Variants in HOXD3 observed in about 807,000 individuals in gnomAD.
HOXD3 encodes the protein homeobox D3, also known as homeobox protein Hox-D3.
A neutral mutation model predicts 32.8 loss-of-function variants in HOXD3; 13 were observed. That is an observed-to-expected ratio of 0.40 (90% CI 0.26 to 0.63). The LOEUF (loss-of-function observed/expected upper bound fraction) is 0.63. Ranked by LOEUF, HOXD3 falls within the 20% of genes least tolerant of loss-of-function variation. The pLI, the probability that HOXD3 is intolerant of heterozygous loss-of-function variation, is 0.44. For missense variants in HOXD3, 504 were observed against 577.1 expected (o/e 0.87, Z 1.30); for synonymous variants, 241 against 246.8 (o/e 0.98, Z 0.22).
intron 2 of HOXD3, among the ~76,000 whole-genome samples, chr2:176,168,723 G>A (rs1691072379): frequency 6.6e-6 from 1 of 151,914 alleles, no homozygotes; most frequent in African/African-American, 2.4e-5. Context: ...TATTAATACT[G>A]CAGAATAGCT....
Position 176,169,266 on chromosome 2 carries a change from CA to C in HOXD3, c.153del (p.Pro53LeufsTer24), listed in dbSNP as rs1335399754. 6.2e-7 allele frequency: 1 copy of C among 1,613,652 alleles called. No individual in the cohort carries two copies. ...TACAGCACCCCCCACCAGCCCTACC[CA>C]CCCCCTGCTGCTGCCAGCTCCCTGG... ...YGYSTPHQPY[P>X]PPAAASSLDT... On this transcript the variant is annotated frameshift_variant, in exon 3 of 4. Transcript: ENST00000683222. LOFTEE classifies it high-confidence loss of function.
At chr2:176,168,032 GC>G (rs1338567826) in intron 2 of HOXD3, among the ~76,000 whole-genome samples, 1 of 152,150 alleles carries the variant, frequency 6.6e-6, no homozygotes, top group Non-Finnish European at 1.5e-5. Flanking sequence ...GTAGAGGGAA[GC>G]CCTTTCCCTC....
chr2:176,171,426 G>A (rs1691175945), intron 3 of HOXD3, 91 bp from the exon 4 acceptor site: 2 of 1,169,048 alleles, frequency 1.7e-6, no homozygotes, highest in Non-Finnish European at 2.4e-6. Flanking sequence ...GGGGAGGGAG[G>A]AGGAAAAGAG....
chr2:176,169,981 A>G (rs910079880), intron 3 of HOXD3, among the ~76,000 whole-genome samples: 1 of 152,156 alleles, frequency 6.6e-6, no homozygotes, highest in Non-Finnish European at 1.5e-5. Flanking sequence ...TCAAGATTTG[A>G]AGATAGGTAT....
At chr2:176,152,902 C>A (rs751299970), upstream of HOXD3, 2 of 1,614,186 alleles carry the variant, frequency 1.2e-6, no homozygotes, top group Non-Finnish European at 1.7e-6. This position sits in a 1 kb window ranked among gnomAD's most constrained non-coding sequence, Gnocchi z 5.2. Context: ...CATTTACAGC[C>A]GATGGCCAAA....
chr2:176,168,533 C>T (rs1691061704), intron 2 of HOXD3, among the ~76,000 whole-genome samples: 1 of 147,462 alleles, frequency 6.8e-6, no homozygotes, highest in Non-Finnish European at 1.5e-5. Flanking sequence ...TGACACTGCA[C>T]TCCAGCCTTG....
At position 176,171,927 on chromosome 2, in the gene HOXD3, C is replaced by A; in HGVS notation, c.952C>A (p.Pro318Thr). 2 of 1,610,210 alleles carry A rather than the reference C, an allele frequency of 1.2e-6. No individual in the cohort carries two copies. Among genetic ancestry groups the A allele is most frequent in the Non-Finnish European group, 1.7e-6 (2 of 1,179,006 alleles). The change falls in exon 4 of 4, where the codon CCA becomes ACA. Residue 318 changes from proline (P) to threonine (T), a missense_variant. Pro to Thr is a conservative substitution (Grantham distance 38, BLOSUM62 -1). Coordinates refer to ENST00000683222, the MANE Select transcript of HOXD3 (RefSeq NM_006898.5). ...NMYGLAAYTAPLSSCLPQQKR... is the reference protein window; with the variant it reads ...NMYGLAAYTATLSSCLPQQKR... ...GTACGGCCTGGCCGCCTACACGGCG[C>A]CACTCAGCAGCTGCCTGCCACAACA...
At chr2:176,155,325 T>C (rs905708098), upstream of HOXD3, among the ~76,000 whole-genome samples, 5 of 152,188 alleles carry the variant, frequency 3.3e-5, no homozygotes, top group Admixed American at 1.3e-4. Flanking sequence ...CCCAGTTTCA[T>C]ACCAAATGCC....
At chr2:176,152,992 G>A (rs1302755224), upstream of HOXD3, 1 of 1,577,520 alleles carries the variant, frequency 6.3e-7, no homozygotes, top group Non-Finnish European at 8.7e-7. The surrounding 1 kb of genome is among the most constrained non-coding windows in gnomAD (Gnocchi z 5.2). Flanking sequence ...CTGAGCCGAA[G>A]CTGCGGGGGC....
Position 176,171,637 on chromosome 2 carries a change from G to T in HOXD3, c.662G>T (p.Arg221Leu). 1 of 1,614,230 alleles carries T rather than the reference G, an allele frequency of 6.2e-7. No homozygotes were observed. The highest frequency in any genetic ancestry group is 8.5e-7 in the Non-Finnish European group (1 of 1,180,036). Reference protein sequence around the residue: ...KEFHFNRYLCRPRRVEMANLL... With the variant: ...KEFHFNRYLCLPRRVEMANLL... ...TTCCACTTCAACCGCTACTTGTGCC[G>T]GCCGCGCCGCGTGGAGATGGCCAAC... is the stretch of plus-strand genomic sequence containing the variant. The change falls in exon 4 of 4, where the codon CGG becomes CTG. Residue 221 changes from arginine to leucine, a missense_variant. Around this residue, in one of 3 missense-constraint regions of HOXD3, gnomAD observed 97 missense variants for 158.0 expected, o/e 0.61. Coordinates refer to ENST00000683222, the MANE Select transcript of HOXD3 (RefSeq NM_006898.5).
At chr2:176,156,045 A>G (rs1690638263), upstream of HOXD3, among the ~76,000 whole-genome samples, 1 of 152,240 alleles carries the variant, frequency 6.6e-6, no homozygotes. Flanking sequence ...TCATTGATCT[A>G]TATTTAAAAT....
upstream of HOXD3, among the ~76,000 whole-genome samples, chr2:176,155,302 C>G (rs2105426777): frequency 6.6e-6 from 1 of 152,268 alleles, no homozygotes; most frequent in South Asian, 2.1e-4. Context: ...CTCAGAAGTT[C>G]AGGTTACTCA....
At chr2:176,171,225 G>A (rs1312372673) in intron 3 of HOXD3, among the ~76,000 whole-genome samples, 1 of 152,186 alleles carries the variant, frequency 6.6e-6, no homozygotes, top group Non-Finnish European at 1.5e-5. Context: ...TGGCCTTTGG[G>A]TGGGTATGGG....
At chr2:176,152,927 C>T (rs367930048), upstream of HOXD3, 4 of 1,614,154 alleles carry the variant, frequency 2.5e-6, no homozygotes, top group Non-Finnish European at 3.4e-6. This position sits in a 1 kb window ranked among gnomAD's most constrained non-coding sequence, Gnocchi z 5.2. Context: ...ACCACACGGA[C>T]CTGACGACCT....
At chr2:176,160,974 G>C (rs1048334967) in intron 1 of HOXD3, 1 of 152,256 alleles carries the variant, frequency 6.6e-6, no homozygotes, top group African/African-American at 2.4e-5. Context: ...GCAAGACCAG[G>C]GTTGGGACAG....
rs983423831 is a variant in HOXD3 at position 176,171,888 on chromosome 2, T to C, written c.913T>C (p.Ser305Pro). ...GCCCTCGCCGCCTGCTTTCGCCAAA[T>C]CACAGCCCAATATGTACGGCCTGGC... The part of the protein sequence containing the change: ...DAPSPPAFAK[S>P]QPNMYGLAAY... Residue 305 changes from serine to proline, a missense_variant, in exon 4 of 4, where the codon TCA becomes CCA. This residue lies in a region of HOXD3 where 226 missense variants were observed against 246.9 expected (regional missense o/e 0.92). Coordinates refer to ENST00000683222, the MANE Select transcript of HOXD3 (RefSeq NM_006898.5). 6.2e-7 allele frequency: 1 copy of C among 1,605,686 alleles called. No homozygotes were observed. The highest frequency in any genetic ancestry group is 8.5e-7 in the Non-Finnish European group (1 of 1,176,672).
chr2:176,167,742 T>C (rs561535146), intron 2 of HOXD3, among the ~76,000 whole-genome samples: 8 of 148,888 alleles, frequency 5.4e-5, no homozygotes, highest in African/African-American at 1.7e-4. Context: ...GAGCATGTTA[T>C]AGGACTTTCA....
At chr2:176,153,079 C>A, upstream of HOXD3, 1 of 563,854 alleles carries the variant, frequency 1.8e-6, no homozygotes, top group Non-Finnish European at 3.0e-6. Context: ...CGCCCTCGGA[C>A]TAGGTTAGCA....
upstream of HOXD3, among the ~76,000 whole-genome samples, chr2:176,156,418 G>T (rs1221836684): frequency 3.3e-5 from 5 of 152,188 alleles, no homozygotes; most frequent in African/African-American, 1.2e-4. Context: ...GCCCGGGCCA[G>T]GCCCCAGACC....
Sources: allele counts gnomAD v4.1 joint callset (sites outside exome capture counted in the v4.1 genomes callset), GRCh38; gene constraint gnomAD v4.1.1; regional missense constraint gnomAD v4.1.1; non-coding constraint Gnocchi (gnomAD v3.1); transcripts MANE v1.5; gene names NCBI Gene and HGNC (gene_info 2026-07-23, HGNC 2026-07-21).